PCSK2: variants seen among roughly 807,000 people sequenced by gnomAD.
PCSK2 encodes proprotein convertase subtilisin/kexin type 2.
A neutral mutation model predicts 69.7 loss-of-function variants in PCSK2; 14 were observed. The observed-to-expected ratio is 0.20, with a 90% confidence interval of 0.13 to 0.31. The LOEUF is 0.31. Ranked by LOEUF, PCSK2 falls within the 10% of genes least tolerant of loss-of-function variation. The pLI is 1.00. For missense variants in PCSK2, 544 were observed against 842.5 expected, an observed-to-expected ratio of 0.65 and a Z score of 4.39; for synonymous variants, 307 against 320.7, an observed-to-expected ratio of 0.96 and a Z score of 0.46.
intron 2 of PCSK2, among the ~76,000 whole-genome samples, chr20:17,282,787 C>G (rs1988368463): frequency 6.6e-6 from 1 of 151,548 alleles, no homozygotes; most frequent in African/African-American, 2.4e-5. Context: ...AGGCTTTTCT[C>G]TTTGTAAATA....
chr20:17,471,338 T>G (rs1199415887), intron 11 of PCSK2, among the ~76,000 whole-genome samples: 1 of 152,122 alleles, frequency 6.6e-6, no homozygotes, highest in African/African-American at 2.4e-5. Flanking sequence ...TCCAGGAACT[T>G]TATGCAAGAT....
chr20:17,310,846 ATTTTTGTATTACGGGC>A lies in PCSK2; in HGVS notation c.283-47480_283-47465del, dbSNP rs753969174. 1.1e-3 allele frequency among the ~76,000 whole-genome samples: 162 copies of A among 151,772 alleles called. 3 individuals carry two copies. In the East Asian group the frequency reaches 0.023, roughly 21 times the overall value. On this transcript the variant is annotated intron_variant, in intron 2 of 11. Coordinates refer to ENST00000262545, the MANE Select transcript of PCSK2 (RefSeq NM_002594.5). ...CTCTACTAAAAATACAAAAATTTTT[ATTTTTGTATTACGGGC>A]GTGGTGGCACACACCTGTAATTCCA...
At chr20:17,328,157 G>A (rs1428169421) in intron 2 of PCSK2, among the ~76,000 whole-genome samples, 3 of 152,008 alleles carry the variant, frequency 2.0e-5, no homozygotes, top group African/African-American at 7.3e-5. Context: ...ATTTCCAAAC[G>A]GTAGTTACAA....
At chr20:17,422,469 A>C (rs906840437) in intron 6 of PCSK2, among the ~76,000 whole-genome samples, 2 of 152,242 alleles carry the variant, frequency 1.3e-5, no homozygotes, top group African/African-American at 4.8e-5. Flanking sequence ...AGATGGAACA[A>C]TATAAAGATA....
In PCSK2 at chr20:17,409,199, C is replaced by T. The variant is rs1276541796; in HGVS notation, c.544-64C>T. 3.2e-6 allele frequency: 4 copies of T among 1,242,654 alleles called. No individual in the cohort carries two copies. In the East Asian group the frequency reaches 9.3e-5, roughly 29 times the overall value. The allele number at this position is 1,242,654 out of a possible 1,614,324, so 77.0% of individuals were successfully genotyped here. On this transcript the variant is annotated intron_variant, in intron 5 of 11. Transcript: ENST00000262545. ...AGGACTAGAAATGTTTAAAGTCTCC[C>T]AGCGCTTTCCCTTTACTGCGCCTCT...
chr20:17,227,119 C>T lies in PCSK2; in HGVS notation c.-187C>T, dbSNP rs907262175. 3.5e-6 allele frequency: 2 copies of T among 568,124 alleles called. No individual in the cohort carries two copies. The highest frequency in any genetic ancestry group is 2.9e-5 in the East Asian group (1 of 34,788). 35.2% of individuals were successfully genotyped at this position (568,124 alleles called of 1,614,324 possible). A position where few individuals can be genotyped will look rare whatever the true frequency, so the allele number is the denominator to read the frequency against. On this transcript the variant is annotated 5_prime_UTR_variant, in exon 1 of 12. Transcript: ENST00000262545. ...CGGGCCGCCTGACTGCACGGCTTCCCCTCCAGCCAGATGCTGGAGAACACA... is the reference window on the plus strand; with the variant it reads ...CGGGCCGCCTGACTGCACGGCTTCCTCTCCAGCCAGATGCTGGAGAACACA...
chr20:17,443,117 C>T lies in PCSK2; in HGVS notation c.885+6234C>T, dbSNP rs535845035. On this transcript the variant is annotated intron_variant, in intron 8 of 11. Transcript: ENST00000262545. ...CACTTTTACATTAAATACAAGGATC[C>T]CAAAAACACAATTATGAGATGGGAA... 5.9e-5 allele frequency among the ~76,000 whole-genome samples: 9 copies of T among 152,246 alleles called. No homozygotes were observed. The South Asian group carries it at 1.7e-3, about 28-fold the overall frequency.
At chr20:17,465,710 C>A (rs1026403385) in intron 11 of PCSK2, among the ~76,000 whole-genome samples, 157 bp downstream of exon 11, 1 of 152,060 alleles carries the variant, frequency 6.6e-6, no homozygotes, top group South Asian at 2.1e-4. Flanking sequence ...ACTTTGTCAC[C>A]CAGGCTGGAG....
chr20:17,263,252 A>G (rs1002323618), intron 2 of PCSK2: 2 of 398,794 alleles, frequency 5.0e-6, no homozygotes, highest in Non-Finnish European at 6.8e-6. Context: ...AAAACAGAAA[A>G]AAAAGGACTA....
At chr20:17,299,296 T>C (rs1241899137) in intron 2 of PCSK2, among the ~76,000 whole-genome samples, 3 of 152,200 alleles carry the variant, frequency 2.0e-5, no homozygotes, top group Non-Finnish European at 2.9e-5. Flanking sequence ...CTTTCCTCTC[T>C]AATATGAAAT....
intron 2 of PCSK2, among the ~76,000 whole-genome samples, chr20:17,295,680 G>T (rs550009549): frequency 3.5e-4 from 53 of 151,906 alleles, no homozygotes; most frequent in African/African-American, 1.2e-3. Context: ...CTTCCAAGTT[G>T]CTGGGACTAC....
intron 6 of PCSK2, among the ~76,000 whole-genome samples, chr20:17,426,630 G>T (rs1211771867): frequency 6.6e-6 from 1 of 152,242 alleles, no homozygotes; most frequent in Non-Finnish European, 1.5e-5. Context: ...GAGCCAGCAG[G>T]CTGGAGACCC....
intron 2 of PCSK2, among the ~76,000 whole-genome samples, chr20:17,336,595 G>T (rs1028133168): frequency 1.3e-5 from 2 of 152,214 alleles, no homozygotes; most frequent in Non-Finnish European, 2.9e-5. Flanking sequence ...GAGCAACAAT[G>T]GCAGTTCTGG....
chr20:17,354,413 G>A (rs1455966355), intron 2 of PCSK2, among the ~76,000 whole-genome samples: 1 of 152,164 alleles, frequency 6.6e-6, no homozygotes, highest in Non-Finnish European at 1.5e-5. Flanking sequence ...AAAATTCAGA[G>A]AAGGAGGAAG....
intron 2 of PCSK2, among the ~76,000 whole-genome samples, chr20:17,296,594 T>C (rs1426873923): frequency 1.3e-5 from 2 of 152,136 alleles, no homozygotes; most frequent in African/African-American, 4.8e-5. Flanking sequence ...TAAATGAACA[T>C]CCCTTCAGTT....
intron 5 of PCSK2, 152 bp downstream of exon 5, chr20:17,369,429 C>T: frequency 1.4e-6 from 1 of 714,228 alleles, no homozygotes; most frequent in Non-Finnish European, 2.6e-6. Context: ...AGTACAGCTG[C>T]TGGAACATAT....
At chr20:17,396,873 G>A (rs977259103) in intron 5 of PCSK2, among the ~76,000 whole-genome samples, 6 of 152,290 alleles carry the variant, frequency 3.9e-5, no homozygotes, top group African/African-American at 1.4e-4. Flanking sequence ...GGCATAGAGA[G>A]ACCTCAGCAG....
chr20:17,254,414 A>C (rs1279935971), intron 1 of PCSK2, among the ~76,000 whole-genome samples: 2 of 152,172 alleles, frequency 1.3e-5, no homozygotes, highest in Non-Finnish European at 1.5e-5. Flanking sequence ...TTTCATGTGA[A>C]TATCTAATTG....
At chr20:17,354,187 G>T (rs1255951024) in intron 2 of PCSK2, among the ~76,000 whole-genome samples, 1 of 152,164 alleles carries the variant, frequency 6.6e-6, no homozygotes, top group Non-Finnish European at 1.5e-5. Context: ...TATTCTCATA[G>T]AAATAATAGT....
Sources: allele counts gnomAD v4.1 joint callset (sites outside exome capture counted in the v4.1 genomes callset), GRCh38; gene constraint gnomAD v4.1.1; transcripts MANE v1.5; gene names NCBI Gene and HGNC (gene_info 2026-07-23, HGNC 2026-07-21).